Variants in MBD5 observed in about 807,000 individuals in gnomAD.
MBD5 encodes methyl-CpG-binding domain protein 5.
A neutral mutation model predicts 117.3 loss-of-function variants in MBD5; 13 were observed. The ratio of observed to expected loss-of-function variants is 0.11; its 90% CI spans 0.07 to 0.18. MBD5 has a LOEUF of 0.18. Among genes scored for constraint, MBD5 ranks in the 10% least tolerant of loss-of-function variants. The pLI is 1.00. For missense variants in MBD5, 1,879 were observed against 2,093.8 expected (o/e 0.90, Z 2.00); for synonymous variants, 727 against 766.4 (o/e 0.95, Z 0.85).
intron 1 of MBD5, chr2:148,025,903 G>T (rs1321636499): frequency 1.3e-5 from 2 of 152,072 alleles, no homozygotes; most frequent in African/African-American, 2.4e-5. Context: ...AAATGATTTG[G>T]AATTTTCTTA....
intron 2 of MBD5, among the ~76,000 whole-genome samples, chr2:148,215,454 A>G (rs10928385): frequency 0.11 from 16,439 of 152,234 alleles, 924 homozygotes; most frequent in South Asian, 0.15. Flanking sequence ...TATATAATTT[A>G]TCCACAGACT....
chr2:148,378,218 T>A (rs1704043245), intron 4 of MBD5, among the ~76,000 whole-genome samples: 1 of 152,164 alleles, frequency 6.6e-6, no homozygotes, highest in South Asian at 2.1e-4. Flanking sequence ...GTTTTATATA[T>A]TAATCCTTAA....
intron 4 of MBD5, among the ~76,000 whole-genome samples, chr2:148,451,385 A>G (rs1706723080): frequency 6.6e-6 from 1 of 152,210 alleles, no homozygotes; most frequent in South Asian, 2.1e-4. Flanking sequence ...AAGTGTGCTC[A>G]TAAAGAAAAA....
chr2:148,390,557 A>ATG (rs1177262813), intron 4 of MBD5, among the ~76,000 whole-genome samples: 119 of 69,752 alleles, frequency 1.7e-3, no homozygotes, highest in African/African-American at 8.2e-3. Context: ...ATATACGTGT[A>ATG]TGTGTGTATA....
At chr2:148,327,443 G>C (rs188258725) in intron 3 of MBD5, among the ~76,000 whole-genome samples, 2 of 151,846 alleles carry the variant, frequency 1.3e-5, no homozygotes, top group East Asian at 3.9e-4. Context: ...TCCTGCAGAG[G>C]GGGGGTTCCA....
chr2:148,245,696 T>C (rs1318158293), intron 3 of MBD5, among the ~76,000 whole-genome samples: 14 of 152,182 alleles, frequency 9.2e-5, no homozygotes, highest in Admixed American at 9.2e-4. Context: ...GGTACCTAGG[T>C]TCACAGTTAT....
intron 4 of MBD5, among the ~76,000 whole-genome samples, chr2:148,378,745 C>G (rs368542750): frequency 6.6e-6 from 1 of 151,938 alleles, no homozygotes; most frequent in African/African-American, 2.4e-5. Flanking sequence ...TTAAAATTCA[C>G]TCAGAATTTG....
At chr2:148,205,753 C>A (rs1699261928) in intron 2 of MBD5, among the ~76,000 whole-genome samples, 1 of 152,090 alleles carries the variant, frequency 6.6e-6, no homozygotes, top group Non-Finnish European at 1.5e-5. Context: ...AGGCAGGCTG[C>A]AATGGCTCAT....
intron 4 of MBD5, among the ~76,000 whole-genome samples, chr2:148,353,773 G>T (rs1334006947): frequency 6.6e-6 from 1 of 151,906 alleles, no homozygotes; most frequent in Non-Finnish European, 1.5e-5. Flanking sequence ...TAGAGCCAGG[G>T]TTTCACCATG....
intron 3 of MBD5, among the ~76,000 whole-genome samples, chr2:148,294,196 G>GTTTTTTTTTT (rs60942822): frequency 3.1e-5 from 4 of 127,172 alleles, no homozygotes; most frequent in African/African-American, 1.2e-4. Flanking sequence ...CCAGAATGAA[G>GTTTTTTTTTT]TTTTTTTTTT....
intron 3 of MBD5, among the ~76,000 whole-genome samples, chr2:148,328,712 C>G (rs1441075841): frequency 6.6e-6 from 1 of 150,806 alleles, no homozygotes; most frequent in Non-Finnish European, 1.5e-5. Context: ...GCACATGGTG[C>G]GTGCACCCAC....
chr2:148,095,937 T>C (rs1336303175), intron 1 of MBD5, among the ~76,000 whole-genome samples: 2 of 152,254 alleles, frequency 1.3e-5, no homozygotes, highest in East Asian at 1.9e-4. Flanking sequence ...GAAAAAGTAA[T>C]TGAAATGCTA....
intron 1 of MBD5, among the ~76,000 whole-genome samples, chr2:148,080,533 A>G (rs924187916): frequency 1.3e-5 from 2 of 152,142 alleles, no homozygotes; most frequent in Admixed American, 1.3e-4. Context: ...TGAAACTAGC[A>G]TTGTTTAGGC....
intron 1 of MBD5, among the ~76,000 whole-genome samples, chr2:148,107,938 A>G (rs558909951): frequency 6.6e-6 from 1 of 152,300 alleles, no homozygotes; most frequent in East Asian, 1.9e-4. Context: ...TATTAGTACA[A>G]TACTATTAAT....
intron 3 of MBD5, among the ~76,000 whole-genome samples, chr2:148,330,223 A>C (rs1702607938): frequency 1.3e-5 from 2 of 151,810 alleles, no homozygotes; most frequent in African/African-American, 4.8e-5. Context: ...CGGCATTTTT[A>C]ACTCCAGTCT....
chr2:148,296,863 A>ATTTTTTTTTGTTTTTTTTTTTT (rs1559010681), intron 3 of MBD5, among the ~76,000 whole-genome samples: 1 of 37,714 alleles, frequency 2.7e-5, no homozygotes, highest in Non-Finnish European at 5.3e-5. Flanking sequence ...TTAGTTCTTC[A>ATTTTTTTTTGTTTTTTTTTTTT]ATTTTTTTTT....
At chr2:148,068,347 A>G (rs1335558903) in intron 1 of MBD5, among the ~76,000 whole-genome samples, 1 of 152,198 alleles carries the variant, frequency 6.6e-6, no homozygotes, top group African/African-American at 2.4e-5. Flanking sequence ...GGTGCTCAGG[A>G]TGGCCTATGG....
At chr2:148,432,770 C>G (rs1346899221) in intron 4 of MBD5, among the ~76,000 whole-genome samples, 1 of 152,078 alleles carries the variant, frequency 6.6e-6, no homozygotes, top group Non-Finnish European at 1.5e-5. Flanking sequence ...GTTACTGTAG[C>G]CTCGTAGTAT....
intron 1 of MBD5, chr2:148,026,358 A>T (rs1239635468): frequency 2.0e-5 from 3 of 152,224 alleles, no homozygotes. Flanking sequence ...CTGAAAGTTT[A>T]CAAGTACAGA....
Sources: allele counts gnomAD v4.1 joint callset (sites outside exome capture counted in the v4.1 genomes callset), GRCh38; gene constraint gnomAD v4.1.1; transcripts MANE v1.5; gene names NCBI Gene and HGNC (gene_info 2026-07-23, HGNC 2026-07-21).